Variants in KCNA10 observed in about 807,000 individuals in gnomAD.
KCNA10 encodes potassium voltage-gated channel subfamily A member 10.
Under a neutral mutation model 21.4 loss-of-function variants are expected in KCNA10, and 16 were observed. That is an observed-to-expected ratio of 0.75 (90% CI 0.51 to 1.14). The LOEUF (loss-of-function observed/expected upper bound fraction) is 1.14, where lower values mean the gene tolerates loss of function less well. Ranked by LOEUF, KCNA10 falls within the 50% of genes most tolerant of loss-of-function variation. The probability of loss-of-function intolerance (pLI) is 0.00; values close to 1 mark genes in which losing one functional copy is unlikely to be tolerated. For missense variants in KCNA10, 677 were observed against 649.1 expected, an observed-to-expected ratio of 1.04 and a Z score of -0.47; for synonymous variants, 276 against 245.9, an observed-to-expected ratio of 1.12 and a Z score of -1.15.
rs1220895318 is a variant in KCNA10 at position 110,518,111 on chromosome 1, A to G, written c.677T>C (p.Val226Ala). 1 of 1,613,648 alleles carries G rather than the reference A, an allele frequency of 6.2e-7. No individual in the cohort carries two copies. Among genetic ancestry groups the G allele is most frequent in the Non-Finnish European group, 8.5e-7 (1 of 1,179,910 alleles). ...GCAGAAGATGGTGATGGAGATGACC[A>G]CAACCAACACCGAGACCACGGCCAC... is the stretch of plus-strand genomic sequence containing the variant. ...RAVAVVSVLV[V>A]VISITIFCLE... The change falls in exon 1 of 1, where the codon GTG (valine) becomes GCG (alanine). Residue 226 changes from valine (V) to alanine (A), a missense_variant. Val to Ala is a moderately conservative substitution (Grantham distance 64, BLOSUM62 0). Coordinates refer to ENST00000369771, the MANE Select transcript of KCNA10 (RefSeq NM_005549.2).
Position 110,517,765 on chromosome 1 carries a change from C to G in KCNA10, c.1023G>C (p.Arg341Ser). The change falls in exon 1 of 1, where the codon AGG (arginine) becomes AGC (serine). Residue 341 changes from arginine (R) to serine (S), a missense_variant. By Grantham distance (110) the Arg-to-Ser change is moderately radical. Transcript: ENST00000369771. ...AQQNMSLAIL[R>S]IIRLVRVFRI... ...GGAAGACCCTCACCAGGCGGATGATCCTCAGGATGGCCAGGGACATGTTCT... is the reference window on the plus strand; with the variant it reads ...GGAAGACCCTCACCAGGCGGATGATGCTCAGGATGGCCAGGGACATGTTCT... 3 of 1,614,126 alleles carry G rather than the reference C, an allele frequency of 1.9e-6. No individual in the cohort carries two copies. The highest frequency in any genetic ancestry group is 2.5e-6 in the Non-Finnish European group (3 of 1,180,036).
rs1647294841 is a variant in KCNA10, at chr1:110,518,547, G to A, written c.241C>T (p.Leu81=). The A allele has an allele frequency of 6.2e-7, 1 of 1,614,062 alleles. No individual in the cohort carries two copies. Among genetic ancestry groups the A allele is most frequent in the African/African-American group, 1.3e-5 (1 of 74,908 alleles). Residue 81 remains leucine (L), a synonymous_variant, in exon 1 of 1, where the codon CTA becomes TTA. Coordinates refer to ENST00000369771, the MANE Select transcript of KCNA10 (RefSeq NM_005549.2). ...ADPPGPEPVV[L]NEGNQRVIIN... is the part of the protein sequence containing the mutation. ...ATCACCCGCTGGTTTCCTTCATTTAGGACCACTGGCTCAGGCCCTGGGGGG... is the reference window on the plus strand; with the variant it reads ...ATCACCCGCTGGTTTCCTTCATTTAAGACCACTGGCTCAGGCCCTGGGGGG...
chr1:110,517,512 C>T lies in KCNA10; in HGVS notation c.1276G>A (p.Asp426Asn). 1 of 1,614,184 alleles carries T rather than the reference C, an allele frequency of 6.2e-7. No homozygotes were observed. Among genetic ancestry groups the T allele is most frequent in the Non-Finnish European group, 8.5e-7 (1 of 1,180,034 alleles). Residue 426 changes from aspartate (D) to asparagine (N), a missense_variant, in exon 1 of 1, where the codon GAC becomes AAC. By Grantham distance (23) the Asp-to-Asn change is conservative. Transcript: ENST00000369771. The part of the protein sequence containing the change: ...VVTMTTVGYG[D>N]MCPTTPGGKI... ...CCCCCTGGGGTGGTCGGGCACATGT[C>T]CCCATAGCCTACAGTTGTCATGGTG...
rs1647251173 is a variant in KCNA10, at chr1:110,517,673, A to G, written c.1115T>C (p.Met372Thr). ...QILGQTLKAS[M>T]RELGLLIFFL... ...GAAGATGAGCAACCCCAACTCCCGC[A>G]TGGACGCCTTCAGTGTTTGCCCGAG... The change falls in exon 1 of 1, where the codon ATG becomes ACG. Residue 372 changes from methionine to threonine, a missense_variant. By Grantham distance (81) the Met-to-Thr change is moderately conservative. Transcript: ENST00000369771. 1 of 1,614,050 alleles carries G rather than the reference A, an allele frequency of 6.2e-7. No homozygotes were observed. The highest frequency in any genetic ancestry group is 1.3e-5 in the African/African-American group (1 of 74,938).
In KCNA10 at chr1:110,517,298, A is replaced by G. The variant is rs901347784; in HGVS notation, c.1490T>C (p.Leu497Pro). 1 of 1,614,022 alleles carries G rather than the reference A, an allele frequency of 6.2e-7. No homozygotes were observed. The highest frequency in any genetic ancestry group is 1.3e-5 in the African/African-American group (1 of 74,914). Residue 497 changes from leucine (L) to proline (P), a missense_variant, in exon 1 of 1, where the codon CTT (leucine) becomes CCT (proline). By Grantham distance (98) the Leu-to-Pro change is moderately conservative (BLOSUM62 -3). Transcript: ENST00000369771. ...GGAACAGCCACCATTGGTCTTATTA[A>G]GAGAGTCTGTGCTGCCCATTCTTGA... ...VGSRMGSTDS[L>P]NKTNGGCSTE...
rs745334063 is a variant in KCNA10, at chr1:110,518,106, T to C, written c.682A>G (p.Ile228Val). 9.9e-6 allele frequency: 16 copies of C among 1,613,298 alleles called. No individual in the cohort carries two copies. In the South Asian group the frequency reaches 1.4e-4, roughly 14 times the overall value. The change falls in exon 1 of 1, where the codon ATC (isoleucine) becomes GTC (valine). Residue 228 changes from isoleucine (I) to valine (V), a missense_variant. Coordinates refer to ENST00000369771, the MANE Select transcript of KCNA10 (RefSeq NM_005549.2). ...VAVVSVLVVVISITIFCLETL... is the reference protein window; with the variant it reads ...VAVVSVLVVVVSITIFCLETL... ...TCCAGGCAGAAGATGGTGATGGAGA[T>C]GACCACAACCAACACCGAGACCACG...
In KCNA10 at chr1:110,517,895, T is replaced by G; in HGVS notation, c.893A>C (p.Asp298Ala). ...GATGTTCATGATGTTCCTGAAGAAG[T>G]CAGTCTTGCTGGGGCAGACCACGAA... ...LRFVVCPSKT[D>A]FFRNIMNIID... is the part of the protein sequence containing the mutation. Residue 298 changes from aspartate (D) to alanine (A), a missense_variant, in exon 1 of 1, where the codon GAC becomes GCC. Coordinates refer to ENST00000369771, the MANE Select transcript of KCNA10 (RefSeq NM_005549.2). 1 of 1,613,912 alleles carries G rather than the reference T, an allele frequency of 6.2e-7. No individual in the cohort carries two copies. Among genetic ancestry groups the G allele is most frequent in the South Asian group, 1.1e-5 (1 of 91,066 alleles).
chr1:110,518,989 T>C lies in KCNA10; in HGVS notation c.-202A>G. 4.3e-6 allele frequency: 2 copies of C among 462,342 alleles called. No individual in the cohort carries two copies. Among genetic ancestry groups the C allele is most frequent in the South Asian group, 6.9e-5 (1 of 14,494 alleles). The allele number at this position is 462,342 out of a possible 1,614,324, so 28.6% of individuals were successfully genotyped here. A position where few individuals can be genotyped will look rare whatever the true frequency, so the allele number is the denominator to read the frequency against. On this transcript the variant is annotated 5_prime_UTR_variant, in exon 1 of 1. Coordinates refer to ENST00000369771, the MANE Select transcript of KCNA10 (RefSeq NM_005549.2). ...CGTCATGGTTATTTTGGCAGCATGC[T>C]TCCCTTAAAATCATTTTGTACCCCT...
chr1:110,518,948 G>T lies in KCNA10; in HGVS notation c.-161C>A. 3.9e-6 allele frequency: 2 copies of T among 513,374 alleles called. No individual in the cohort carries two copies. Among genetic ancestry groups the T allele is most frequent in the Non-Finnish European group, 6.7e-6 (2 of 297,294 alleles). 31.8% of individuals were successfully genotyped at this position (513,374 alleles called of 1,614,324 possible). ...CAATGGGCTAATCAATGACTTATTTGTAGCTTGGGAAGGAACGTCATGGTT... is the reference window on the plus strand; with the variant it reads ...CAATGGGCTAATCAATGACTTATTTTTAGCTTGGGAAGGAACGTCATGGTT... On this transcript the variant is annotated 5_prime_UTR_variant, in exon 1 of 1. Transcript: ENST00000369771.
chr1:110,518,783 T>C lies in KCNA10; in HGVS notation c.5A>G (p.Asp2Gly), dbSNP rs1363341683. The C allele has an allele frequency of 3.8e-6, 6 of 1,562,452 alleles. No individual in the cohort carries two copies. The highest frequency in any genetic ancestry group is 5.2e-6 in the Non-Finnish European group (6 of 1,150,854). Reference protein sequence around the residue: MDVCGWKEMEVA... With the variant: MGVCGWKEMEVA... ...CTCCATTTCTTTCCAGCCACACACATCCATTCTAGGGGAGCCAGGGAAGAA... is the reference window on the plus strand; with the variant it reads ...CTCCATTTCTTTCCAGCCACACACACCCATTCTAGGGGAGCCAGGGAAGAA... Residue 2 changes from aspartate to glycine, a missense_variant, in exon 1 of 1, where the codon GAT (aspartate) becomes GGT (glycine). By Grantham distance (94) the Asp-to-Gly change is moderately conservative. Coordinates refer to ENST00000369771, the MANE Select transcript of KCNA10 (RefSeq NM_005549.2).
rs777251411 is a variant in KCNA10 at position 110,517,234 on chromosome 1, C to G, written c.*18G>C. 6.4e-7 allele frequency: 1 copy of G among 1,568,994 alleles called. No individual in the cohort carries two copies. The highest frequency in any genetic ancestry group is 1.4e-5 in the African/African-American group (1 of 73,600). On this transcript the variant is annotated 3_prime_UTR_variant, in exon 1 of 1. Coordinates refer to ENST00000369771, the MANE Select transcript of KCNA10 (RefSeq NM_005549.2). ...AGAGAGAAGAGAGACAGGATGGACCCAAGAAGCCCTGGACTGATCATTTCC... is the reference window on the plus strand; with the variant it reads ...AGAGAGAAGAGAGACAGGATGGACCGAAGAAGCCCTGGACTGATCATTTCC...
rs750806540 is a variant in KCNA10 at position 110,518,445 on chromosome 1, G to A, written c.343C>T (p.Arg115Trp). The A allele has an allele frequency of 9.9e-6, 16 of 1,614,074 alleles. No homozygotes were observed. Among genetic ancestry groups the A allele is most frequent in the Non-Finnish European group, 1.3e-5 (15 of 1,179,990 alleles). Residue 115 changes from arginine (R) to tryptophan (W), a missense_variant, in exon 1 of 1, where the codon CGG (arginine) becomes TGG (tryptophan). Arg to Trp is a moderately radical substitution (Grantham distance 101). Transcript: ENST00000369771. Reference protein sequence around the residue: ...SQFPETLLGDREKRMQFFDSM... With the variant: ...SQFPETLLGDWEKRMQFFDSM... The stretch of plus-strand genomic sequence containing the variant: ...TCAAAGAACTGCATCCTTTTTTCCC[G>A]GTCTCCCAGGAGAGTCTCTGGGAAC...
chr1:110,517,992 T>C lies in KCNA10; in HGVS notation c.796A>G (p.Met266Val). Reference sequence around the variant, plus strand: ...ACCATGAAGAAAGGGTCGGTGAACATGGTCTGGGAGAGGACTGTCTTGCTC... The same window carrying C: ...ACCATGAAGAAAGGGTCGGTGAACACGGTCTGGGAGAGGACTGTCTTGCTC... ...NMSKTVLSQTMFTDPFFMVES... is the reference protein window; with the variant it reads ...NMSKTVLSQTVFTDPFFMVES... The change falls in exon 1 of 1, where the codon ATG becomes GTG. Residue 266 changes from methionine to valine, a missense_variant. Physicochemically the swap from Met to Val is conservative, Grantham distance 21. Coordinates refer to ENST00000369771, the MANE Select transcript of KCNA10 (RefSeq NM_005549.2). 11 of 1,613,904 alleles carry C rather than the reference T, an allele frequency of 6.8e-6. No individual in the cohort carries two copies. Among genetic ancestry groups the C allele is most frequent in the Non-Finnish European group, 9.3e-6 (11 of 1,179,988 alleles).
rs374482810 is a variant in KCNA10 at position 110,518,149 on chromosome 1, G to A, written c.639C>T (p.Ser213=). Residue 213 remains serine (S), a synonymous_variant, in exon 1 of 1, where the codon AGC becomes AGT. Coordinates refer to ENST00000369771, the MANE Select transcript of KCNA10 (RefSeq NM_005549.2). ...WLLFEYPESS[S]AARAVAVVSV... ...AGACCACGGCCACAGCACGGGCAGC[G>A]CTGGAACTTTCAGGGTACTCAAAGA... is the stretch of plus-strand genomic sequence containing the variant. 6.8e-5 allele frequency: 109 copies of A among 1,613,494 alleles called. No individual in the cohort carries two copies. Among genetic ancestry groups the A allele is most frequent in the Non-Finnish European group, 8.8e-5 (104 of 1,179,908 alleles).
At position 110,518,330 on chromosome 1, in the gene KCNA10, C is replaced by A. The variant is rs373944479; in HGVS notation, c.458G>T (p.Arg153Leu). ...YYYQSGGKIR[R>L]PANVPIDIFA... ...GATATCAATGGGAACATTGGCTGGG[C>A]GCCGAATTTTCCCACCAGATTGGTA... Residue 153 changes from arginine to leucine, a missense_variant, in exon 1 of 1, where the codon CGC becomes CTC. Arg to Leu is a moderately radical substitution (Grantham distance 102). Transcript: ENST00000369771. 1.2e-6 allele frequency: 2 copies of A among 1,614,214 alleles called. No homozygotes were observed. Among genetic ancestry groups the A allele is most frequent in the South Asian group, 2.2e-5 (2 of 91,086 alleles).
At position 110,518,680 on chromosome 1, in the gene KCNA10, G is replaced by C. The variant is rs746656971; in HGVS notation, c.108C>G (p.Ser36Arg). Residue 36 changes from serine (S) to arginine (R), a missense_variant, in exon 1 of 1, where the codon AGC becomes AGG. Physicochemically the swap from Ser to Arg is moderately radical, Grantham distance 110. Coordinates refer to ENST00000369771, the MANE Select transcript of KCNA10 (RefSeq NM_005549.2). The part of the protein sequence containing the change: ...PGYATDFDST[S>R]PKGRPGGSSF... The stretch of plus-strand genomic sequence containing the variant: ...AGCTGCCCCCAGGCCGGCCTTTTGG[G>C]CTGGTTGAGTCGAAGTCTGTGGCAT... 3.1e-6 allele frequency: 5 copies of C among 1,614,158 alleles called. No homozygotes were observed. The Admixed American group carries it at 5.0e-5, about 16-fold the overall frequency.
rs1408018061 is a variant in KCNA10 at position 110,518,618 on chromosome 1, G to T, written c.170C>A (p.Thr57Asn). The T allele has an allele frequency of 1.9e-6, 3 of 1,614,224 alleles. No homozygotes were observed. In the East Asian group the frequency reaches 6.7e-5, roughly 36 times the overall value. Residue 57 changes from threonine (T) to asparagine (N), a missense_variant, in exon 1 of 1, where the codon ACC becomes AAC. Coordinates refer to ENST00000369771, the MANE Select transcript of KCNA10 (RefSeq NM_005549.2). ...SNGKILISES[T>N]NHETAFSKLP... ...CTTGGAGAAGGCCGTCTCATGGTTG[G>T]TGCTTTCGCTGATGAGGATCTTCCC... is the stretch of plus-strand genomic sequence containing the variant.
At position 110,517,932 on chromosome 1, in the gene KCNA10, G is replaced by T. The variant is rs770503220; in HGVS notation, c.856C>A (p.Leu286Met). 6 of 1,613,646 alleles carry T rather than the reference G, an allele frequency of 3.7e-6. No homozygotes were observed. The South Asian group carries it at 4.4e-5, about 12-fold the overall frequency. Residue 286 changes from leucine (L) to methionine (M), a missense_variant, in exon 1 of 1, where the codon CTG (leucine) becomes ATG (methionine). Leu to Met is a conservative substitution (Grantham distance 15). Coordinates refer to ENST00000369771, the MANE Select transcript of KCNA10 (RefSeq NM_005549.2). ...STCIVWFTFE[L>M]VLRFVVCPSK... ...GGGCAGACCACGAACCGGAGCACCA[G>T]CTCGAAGGTGAACCACACGATGCAG... is the stretch of plus-strand genomic sequence containing the variant.
Position 110,517,980 on chromosome 1 carries a change from G to C in KCNA10, c.808C>G (p.Pro270Ala), listed in dbSNP as rs768031613. ...CAGGTAGACTCCACCATGAAGAAAG[G>C]GTCGGTGAACATGGTCTGGGAGAGG... The part of the protein sequence containing the change: ...TVLSQTMFTD[P>A]FFMVESTCIV... Residue 270 changes from proline to alanine, a missense_variant, in exon 1 of 1, where the codon CCT becomes GCT. By Grantham distance (27) the Pro-to-Ala change is conservative (BLOSUM62 -1). Transcript: ENST00000369771. 3 of 1,613,724 alleles carry C rather than the reference G, an allele frequency of 1.9e-6. No individual in the cohort carries two copies. The highest frequency in any genetic ancestry group is 2.2e-5 in the East Asian group (1 of 44,876).
Sources: gnomAD v4.1 joint callset for allele counts on GRCh38, gnomAD v4.1.1 for gene constraint, MANE v1.5 for transcripts, NCBI Gene and HGNC (gene_info 2026-07-23, HGNC 2026-07-21) for gene names.